Variants in MTMR7 observed in about 807,000 individuals in gnomAD.
MTMR7 encodes phosphatidylinositol-3-phosphate phosphatase MTMR7.
Under a neutral mutation model 81.2 loss-of-function variants are expected in MTMR7, and 76 were observed. That is an observed-to-expected ratio of 0.94 (90% CI 0.78 to 1.13). The LOEUF is 1.13. Ranked by LOEUF, MTMR7 falls within the 50% of genes most tolerant of loss-of-function variation. MTMR7 has a pLI of 0.00. For missense variants in MTMR7, 1,044 were observed against 820.0 expected, an observed-to-expected ratio of 1.27 and a Z score of -3.34; for synonymous variants, 372 against 289.8, an observed-to-expected ratio of 1.28 and a Z score of -2.88.
chr8:17,391,132 G>C (rs189500896), intron 1 of MTMR7, among the ~76,000 whole-genome samples: 37 of 152,286 alleles, frequency 2.4e-4, no homozygotes, highest in Non-Finnish European at 4.4e-4. Context: ...GGTCTACGAG[G>C]ACGTGAGGAC....
chr8:17,393,841 C>T (rs1280376784), intron 1 of MTMR7, among the ~76,000 whole-genome samples: 1 of 151,898 alleles, frequency 6.6e-6, no homozygotes, highest in African/African-American at 2.4e-5. Flanking sequence ...GCACATGTAA[C>T]CTGGGACTTA....
chr8:17,356,861 C>T (rs1248089887), intron 4 of MTMR7, among the ~76,000 whole-genome samples: 1 of 152,078 alleles, frequency 6.6e-6, no homozygotes, highest in Non-Finnish European at 1.5e-5. Context: ...GGAGTCTGTG[C>T]CGTAATGAGA....
intron 1 of MTMR7, among the ~76,000 whole-genome samples, chr8:17,386,567 G>T (rs1244782895): frequency 2.6e-5 from 4 of 152,162 alleles, no homozygotes; most frequent in African/African-American, 9.6e-5. Context: ...AAGGGGAGAT[G>T]GGCTGAAAAC....
intron 1 of MTMR7, among the ~76,000 whole-genome samples, chr8:17,377,616 A>G (rs1820629292): frequency 6.6e-6 from 1 of 152,168 alleles, no homozygotes; most frequent in Non-Finnish European, 1.5e-5. Flanking sequence ...CAGATTTCAC[A>G]GTCAGTTTGT....
At chr8:17,319,119 G>A (rs999491573) in intron 7 of MTMR7, among the ~76,000 whole-genome samples, 1 of 152,146 alleles carries the variant, frequency 6.6e-6, no homozygotes, top group Non-Finnish European at 1.5e-5. Flanking sequence ...CATGATATAC[G>A]CATGGGCAAT....
At chr8:17,324,911 C>T (rs1233214926) in intron 7 of MTMR7, among the ~76,000 whole-genome samples, 1 of 152,118 alleles carries the variant, frequency 6.6e-6, no homozygotes, top group South Asian at 2.1e-4. Context: ...AAGGACCAAC[C>T]TTTACAGCTT....
chr8:17,403,171 T>C (rs1037448499), intron 1 of MTMR7, among the ~76,000 whole-genome samples: 3 of 152,242 alleles, frequency 2.0e-5, no homozygotes, highest in Admixed American at 2.0e-4. Flanking sequence ...ATGGATAGTT[T>C]ACAAATATTT....
At chr8:17,327,642 A>T (rs2285280) in intron 7 of MTMR7, among the ~76,000 whole-genome samples, 2 of 65,704 alleles carry the variant, frequency 3.0e-5, no homozygotes, top group African/African-American at 3.8e-4. Flanking sequence ...GAAACCTGGT[A>T]AAAAAAAAAA....
chr8:17,364,224 G>A (rs1820152265), intron 3 of MTMR7, among the ~76,000 whole-genome samples: 1 of 151,382 alleles, frequency 6.6e-6, no homozygotes, highest in South Asian at 2.1e-4. Context: ...TAGTAGAGAC[G>A]GGTTTTCACT....
intron 9 of MTMR7, among the ~76,000 whole-genome samples, chr8:17,309,838 C>G (rs1817687549): frequency 6.6e-6 from 1 of 152,062 alleles, no homozygotes; most frequent in East Asian, 1.9e-4. Flanking sequence ...TTTCAGTGAT[C>G]TTTTCTACAC....
rs1165966836 is a variant in MTMR7 at position 17,296,814 on chromosome 8, T to A, written c.*3048A>T. 1 of 152,218 alleles carries A rather than the reference T, an allele frequency of 6.6e-6. No homozygotes were observed. The highest frequency in any genetic ancestry group is 2.1e-4 in the South Asian group (1 of 4,834). The allele number at this position is 152,218 out of a possible 1,614,324, so 9.4% of individuals were successfully genotyped here. A position where few individuals can be genotyped will look rare whatever the true frequency, so the allele number is the denominator to read the frequency against. ...ATGAGTAGTTCATCTCAGTGTTTTTTATTCTTTAAAGTTGAACTATCCCAG... is the reference window on the plus strand; with the variant it reads ...ATGAGTAGTTCATCTCAGTGTTTTTAATTCTTTAAAGTTGAACTATCCCAG... On this transcript the variant is annotated 3_prime_UTR_variant, in exon 14 of 14. Coordinates refer to ENST00000180173, the MANE Select transcript of MTMR7 (RefSeq NM_004686.5).
intron 5 of MTMR7, among the ~76,000 whole-genome samples, chr8:17,343,672 T>C (rs1046045468): frequency 6.6e-6 from 1 of 152,254 alleles, no homozygotes; most frequent in African/African-American, 2.4e-5. Context: ...GGAACTGTTA[T>C]ATACTGTGGA....
In MTMR7 at chr8:17,300,294, T is replaced by G. The variant is rs149289055; in HGVS notation, c.1621-70A>C. 147 of 1,454,548 alleles carry G rather than the reference T, an allele frequency of 1.0e-4. 1 individual carries two copies. The African/African-American group carries it at 2.0e-3, about 20-fold the overall frequency. The allele number at this position is 1,454,548 out of a possible 1,614,324, so 90.1% of individuals were successfully genotyped here. On this transcript the variant is annotated intron_variant, in intron 13 of 13. Transcript: ENST00000180173. ...TATCTTTTTCTATATATGCATGTCT[T>G]TAGCATTTGTTACCTCCCACGTGGG...
chr8:17,321,740 C>T (rs557862046), intron 7 of MTMR7, among the ~76,000 whole-genome samples: 7 of 152,286 alleles, frequency 4.6e-5, no homozygotes, highest in Admixed American at 1.3e-4. Flanking sequence ...ACATCAGAGA[C>T]ATATGCCACA....
chr8:17,397,414 G>C (rs562295167), intron 1 of MTMR7, among the ~76,000 whole-genome samples: 4 of 152,130 alleles, frequency 2.6e-5, no homozygotes, highest in Non-Finnish European at 5.9e-5. Context: ...GGCTTTAAGC[G>C]AACGTCGGTG....
chr8:17,320,889 A>G (rs1308438168), intron 7 of MTMR7, among the ~76,000 whole-genome samples: 1 of 152,192 alleles, frequency 6.6e-6, no homozygotes. Context: ...ACCCCAGGCC[A>G]TGCCCCAAAG....
chr8:17,333,870 C>T (rs1185120335), intron 6 of MTMR7, among the ~76,000 whole-genome samples: 1 of 151,916 alleles, frequency 6.6e-6, no homozygotes, highest in Admixed American at 6.6e-5. Flanking sequence ...TCCTCCTTCA[C>T]CCACAAGGGA....
intron 1 of MTMR7, among the ~76,000 whole-genome samples, chr8:17,405,975 T>A (rs1410909751): frequency 7.6e-6 from 1 of 130,802 alleles, no homozygotes; most frequent in Admixed American, 7.4e-5. Context: ...TCTGGATTTA[T>A]GCAAATATTT....
At chr8:17,385,594 C>T (rs1233886870) in intron 1 of MTMR7, among the ~76,000 whole-genome samples, 1 of 152,176 alleles carries the variant, frequency 6.6e-6, no homozygotes, top group Non-Finnish European at 1.5e-5. Flanking sequence ...AGCCTCTTCC[C>T]TTTATAAATT....
Sources: allele counts gnomAD v4.1 joint callset (sites outside exome capture counted in the v4.1 genomes callset), GRCh38; gene constraint gnomAD v4.1.1; transcripts MANE v1.5; gene names NCBI Gene and HGNC (gene_info 2026-07-23, HGNC 2026-07-21).